The following MIA2 variants were observed in gnomAD, a reference collection of about 807,000 sequenced individuals.
MIA2 encodes the protein melanoma inhibitory activity protein 2.
In MIA2, 127 loss-of-function variants were observed where a neutral mutation model predicts 167.8. That is an observed-to-expected ratio of 0.76 (90% CI 0.66 to 0.88). The LOEUF is 0.88. Among genes scored for constraint, MIA2 ranks in the 40% least tolerant of loss-of-function variants. The pLI is 0.00. For missense variants in MIA2, 1,690 were observed against 1,624.7 expected, an observed-to-expected ratio of 1.04 and a Z score of -0.69; for synonymous variants, 552 against 541.9, an observed-to-expected ratio of 1.02 and a Z score of -0.26.
intron 24 of MIA2, among the ~76,000 whole-genome samples, chr14:39,324,131 A>G (rs573553324): frequency 9.2e-5 from 14 of 152,362 alleles, no homozygotes; most frequent in Admixed American, 3.3e-4. Flanking sequence ...TTGAATAGAA[A>G]ACTTTAACCA....
chr14:39,239,858 G>A (rs1160895402), intron 2 of MIA2, among the ~76,000 whole-genome samples: 1 of 152,148 alleles, frequency 6.6e-6, no homozygotes, highest in African/African-American at 2.4e-5. Flanking sequence ...TATGGCAACT[G>A]GAGAGCTGGA....
chr14:39,267,516 A>G (rs747215161), intron 6 of MIA2: 1 of 1,613,522 alleles, frequency 6.2e-7, no homozygotes, highest in South Asian at 1.1e-5. Context: ...TGGAGGAGCT[A>G]CGCAGGGTGA....
intron 1 of MIA2, among the ~76,000 whole-genome samples, chr14:39,236,294 A>G (rs1468856468): frequency 6.6e-6 from 1 of 152,176 alleles, no homozygotes; most frequent in Non-Finnish European, 1.5e-5. Context: ...GAAGCAGAAC[A>G]TGACTTAAGC....
At chr14:39,268,992 G>T in intron 6 of MIA2, 10 of 983,132 alleles carry the variant, frequency 1.0e-5, no homozygotes, top group Non-Finnish European at 1.2e-5. Flanking sequence ...AGTGTACATG[G>T]AGAAATGCAG....
chr14:39,386,391 C>T lies in MIA2; in HGVS notation c.2249-494C>T, dbSNP rs1312381046. 6 of 1,552,180 alleles carry T rather than the reference C, an allele frequency of 3.9e-6. No individual in the cohort carries two copies. The East Asian group carries it at 1.4e-4, about 35-fold the overall frequency. ...GGACTCTCTTTTGAGCAAACGCTTA[C>T]ACTACGTTTCCTTTTGGCTTTAACA... On this transcript the variant is annotated intron_variant, in intron 23 of 23. Coordinates refer to the MIA2 transcript ENST00000341502.
At chr14:39,249,537 C>T (rs1353320530) in intron 4 of MIA2, among the ~76,000 whole-genome samples, 1 of 139,634 alleles carries the variant, frequency 7.2e-6, no homozygotes, top group South Asian at 2.2e-4. Flanking sequence ...AAAACTCAAG[C>T]AAAAAAAAAA....
Position 39,385,673 on chromosome 14 carries a change from C to T in MIA2, c.2249-1212C>T, listed in dbSNP as rs557088185. On this transcript the variant is annotated intron_variant, in intron 23 of 23. Transcript: ENST00000341502. ...TCTAAAAGCTTAAATGCAATCTTTTCTTCAACTTGAGGGGCAGCTGCTAAC... is the reference window on the plus strand; with the variant it reads ...TCTAAAAGCTTAAATGCAATCTTTTTTTCAACTTGAGGGGCAGCTGCTAAC... 3,097 of 970,806 alleles carry T rather than the reference C, an allele frequency of 3.2e-3. 21 individuals are homozygous for T. The highest frequency in any genetic ancestry group is 8.0e-3 in the South Asian group (629 of 78,166). The allele number at this position is 970,806 out of a possible 1,614,324, so 60.1% of individuals were successfully genotyped here. A position where few individuals can be genotyped will look rare whatever the true frequency, so the allele number is the denominator to read the frequency against.
chr14:39,247,589 C>A lies in MIA2; in HGVS notation c.1015C>A (p.Gln339Lys), dbSNP rs751846731. ...LIAEESNPPL[Q>K]DFPNSISSDK... Reference sequence around the variant, plus strand: ...AGCTGAAGAAAGCAATCCACCACTACAAGATTTTCCCAATTCCATATCATC... The same window carrying A: ...AGCTGAAGAAAGCAATCCACCACTAAAAGATTTTCCCAATTCCATATCATC... The change falls in exon 4 of 29, where the codon CAA becomes AAA. Residue 339 changes from glutamine to lysine, a missense_variant. Physicochemically the swap from Gln to Lys is moderately conservative, Grantham distance 53 (BLOSUM62 1). Coordinates refer to ENST00000640607, the MANE Select transcript of MIA2 (RefSeq NM_001329214.4). 6.2e-7 allele frequency: 1 copy of A among 1,613,978 alleles called. No homozygotes were observed. The highest frequency in any genetic ancestry group is 1.1e-5 in the South Asian group (1 of 91,064).
chr14:39,301,610 A>G (rs1040419917), intron 14 of MIA2, among the ~76,000 whole-genome samples: 24 of 152,236 alleles, frequency 1.6e-4, no homozygotes, highest in African/African-American at 5.5e-4. Context: ...CTGTAGTGTT[A>G]GAAAATATTT....
intron 25 of MIA2, among the ~76,000 whole-genome samples, chr14:39,342,332 G>A (rs1381137606): frequency 6.6e-6 from 1 of 152,096 alleles, no homozygotes; most frequent in African/African-American, 2.4e-5. Context: ...CCCTACAAAG[G>A]ACATGAACTC....
At chr14:39,328,312 GGTT>G (rs778855099) in intron 25 of MIA2, among the ~76,000 whole-genome samples, 13 of 152,070 alleles carry the variant, frequency 8.5e-5, no homozygotes. Flanking sequence ...TTTTTGTTGG[GGTT>G]GTTTGCTTTT....
At chr14:39,316,749 AC>A (rs2065523799) in intron 21 of MIA2, among the ~76,000 whole-genome samples, 1 of 152,198 alleles carries the variant, frequency 6.6e-6, no homozygotes, top group Non-Finnish European at 1.5e-5. Flanking sequence ...AATTTAGTTA[AC>A]CACTGCTCAC....
At chr14:39,341,044 G>A (rs1287086989) in intron 25 of MIA2, among the ~76,000 whole-genome samples, 1 of 152,166 alleles carries the variant, frequency 6.6e-6, no homozygotes, top group Non-Finnish European at 1.5e-5. Flanking sequence ...GCTTACGCTT[G>A]TAATTCCAGC....
At chr14:39,300,686 A>G (rs1595309613) in intron 14 of MIA2, among the ~76,000 whole-genome samples, 1 of 102,776 alleles carries the variant, frequency 9.7e-6, no homozygotes, top group Admixed American at 1.1e-4. Context: ...GGGAGGGGGG[A>G]GGGATAGCAT....
intron 6 of MIA2, chr14:39,266,942 T>TG: frequency 1.5e-6 from 1 of 646,826 alleles, no homozygotes; most frequent in Non-Finnish European, 1.9e-6. Flanking sequence ...CCCTGGTCTT[T>TG]GGGGTTGTGC....
At chr14:39,284,759 ATTTTT>A (rs942039155) in intron 9 of MIA2, among the ~76,000 whole-genome samples, 1 of 128,336 alleles carries the variant, frequency 7.8e-6, no homozygotes, top group Non-Finnish European at 1.7e-5. Flanking sequence ...TCTTTTTTTT[ATTTTT>A]TTTTTATTGA....
chr14:39,312,303 C>T lies in MIA2; in HGVS notation c.3018-1037C>T, dbSNP rs576409459. ...ACACAGTCTGTAAAAACACATCTCT[C>T]TTCCATATCCATGCCCGTCGCACTT... On this transcript the variant is annotated intron_variant, in intron 18 of 28. Transcript: ENST00000640607. 6.6e-5 allele frequency among the ~76,000 whole-genome samples: 10 copies of T among 152,352 alleles called. No individual in the cohort carries two copies. In the East Asian group the frequency reaches 1.5e-3, roughly 24 times the overall value.
intron 9 of MIA2, among the ~76,000 whole-genome samples, chr14:39,281,315 G>A (rs1361057207): frequency 6.6e-6 from 1 of 151,838 alleles, no homozygotes; most frequent in East Asian, 1.9e-4. Flanking sequence ...TATAAAAATG[G>A]GTATTTTAAC....
chr14:39,370,604 A>G (rs1453434491), intron 23 of MIA2: 3 of 358,294 alleles, frequency 8.4e-6, no homozygotes, highest in Non-Finnish European at 1.7e-5. Context: ...CTCTTGAGGA[A>G]GTCCAGCACC....
Sources: gnomAD v4.1 joint callset for allele counts (sites outside exome capture counted in the v4.1 genomes callset) on GRCh38, gnomAD v4.1.1 for gene constraint, MANE v1.5 for transcripts, NCBI Gene and HGNC (gene_info 2026-07-23, HGNC 2026-07-21) for gene names.